The following MKRN2 variants were observed in gnomAD, a reference collection of about 807,000 sequenced individuals.
MKRN2 encodes the protein makorin ring finger protein 2.
MKRN2 carries 32 observed loss-of-function variants against 45.4 expected under a neutral mutation model. That is an observed-to-expected ratio of 0.70 (90% CI 0.53 to 0.95). The LOEUF is 0.95. Among genes scored for constraint, MKRN2 ranks in the 40% least tolerant of loss-of-function variants. The probability of loss-of-function intolerance (pLI) is 0.00; values close to 1 mark genes in which losing one functional copy is unlikely to be tolerated. For missense variants in MKRN2, 526 were observed against 536.7 expected, an observed-to-expected ratio of 0.98 and a Z score of 0.20; for synonymous variants, 206 against 192.4, an observed-to-expected ratio of 1.07 and a Z score of -0.59.
intron 6 of MKRN2, among the ~76,000 whole-genome samples, chr3:12,578,921 A>C (rs2058160758): frequency 6.9e-6 from 1 of 144,726 alleles, no homozygotes; most frequent in South Asian, 2.2e-4. Flanking sequence ...TGTCCACAAG[A>C]GGGCAAGGCG....
At chr3:12,576,563 G>A in intron 5 of MKRN2, 68 bp from the exon 6 acceptor site, 1 of 1,147,964 alleles carries the variant, frequency 8.7e-7, no homozygotes, top group Non-Finnish European at 1.3e-6. Flanking sequence ...TGAGCAAGAG[G>A]TTTAGCAGAG....
chr3:12,582,197 A>G lies in MKRN2; in HGVS notation c.1195A>G (p.Thr399Ala). 1 of 1,614,142 alleles carries G rather than the reference A, an allele frequency of 6.2e-7. No homozygotes were observed. Among genetic ancestry groups the G allele is most frequent in the Non-Finnish European group, 8.5e-7 (1 of 1,180,028 alleles). Reference protein sequence around the residue: ...HVPNNEDVDMTELGDLFMHLS... With the variant: ...HVPNNEDVDMAELGDLFMHLS... Reference sequence around the variant, plus strand: ...CCCCAACAATGAAGATGTCGACATGACAGAGCTCGGGGACCTCTTCATGCA... The same window carrying G: ...CCCCAACAATGAAGATGTCGACATGGCAGAGCTCGGGGACCTCTTCATGCA... Residue 399 changes from threonine to alanine, a missense_variant, in exon 8 of 8, where the codon ACA becomes GCA. Thr to Ala is a moderately conservative substitution (Grantham distance 58). Transcript: ENST00000170447.
chr3:12,578,312 C>CTTTTTT (rs71063833), intron 6 of MKRN2, among the ~76,000 whole-genome samples: 19 of 71,738 alleles, frequency 2.6e-4, no homozygotes, highest in South Asian at 5.6e-4. Context: ...AGAGCTACTT[C>CTTTTTT]TTTTTTTTTT....
chr3:12,573,893 A>C (rs1264503116), intron 4 of MKRN2, among the ~76,000 whole-genome samples: 1 of 144,670 alleles, frequency 6.9e-6, no homozygotes, highest in Non-Finnish European at 1.5e-5. Context: ...ACTCTGTCTC[A>C]AAAAAAAAAA....
At chr3:12,576,098 G>T (rs2058134097) in intron 5 of MKRN2, among the ~76,000 whole-genome samples, 1 of 152,084 alleles carries the variant, frequency 6.6e-6, no homozygotes, top group Admixed American at 6.5e-5. Context: ...GAATCTGCCA[G>T]ACTCTGTTCA....
At chr3:12,569,109 A>G in intron 2 of MKRN2, 106 bp downstream of exon 2, 2 of 1,336,218 alleles carry the variant, frequency 1.5e-6, no homozygotes, top group Non-Finnish European at 2.0e-6. Context: ...AACATCACAA[A>G]AAGTATGGCA....
chr3:12,572,231 A>G lies in MKRN2; in HGVS notation c.500A>G (p.Glu167Gly). 6.2e-7 allele frequency: 1 copy of G among 1,614,054 alleles called. No homozygotes were observed. Among genetic ancestry groups the G allele is most frequent in the South Asian group, 1.1e-5 (1 of 91,062 alleles). The change falls in exon 4 of 8, where the codon GAG becomes GGG. Residue 167 changes from glutamate to glycine, a missense_variant. Transcript: ENST00000170447. ...DVEASSSYSN[E>G]QQLCPYAAAG... ...GAGGCCAGCAGCTCCTACAGCAACG[A>G]GCAGCAGCTGTGCCCCTACGCAGCT... is the stretch of plus-strand genomic sequence containing the variant.
intron 6 of MKRN2, among the ~76,000 whole-genome samples, chr3:12,577,656 T>C (rs2058150044): frequency 6.8e-6 from 1 of 147,084 alleles, no homozygotes; most frequent in Admixed American, 7.1e-5. Context: ...AGGATTCTGT[T>C]ATGGTTTATC....
At chr3:12,570,680 C>G (rs1478419029) in intron 3 of MKRN2, among the ~76,000 whole-genome samples, 2 of 151,762 alleles carry the variant, frequency 1.3e-5, no homozygotes. Context: ...AGTTCGAGAC[C>G]AGCCTGGCCA....
chr3:12,579,073 A>C (rs750679825), intron 6 of MKRN2, among the ~76,000 whole-genome samples: 9 of 152,000 alleles, frequency 5.9e-5, no homozygotes, highest in Admixed American at 2.6e-4. Flanking sequence ...GCTTTCCTTT[A>C]ATGACTGTGT....
At chr3:12,558,932 A>T (rs1346060113) in intron 1 of MKRN2, among the ~76,000 whole-genome samples, 2 of 152,256 alleles carry the variant, frequency 1.3e-5, no homozygotes, top group African/African-American at 4.8e-5. Context: ...GAGCCTCAGC[A>T]TTGAAGCGAC....
chr3:12,566,845 C>CG (rs201652606), intron 1 of MKRN2, among the ~76,000 whole-genome samples: 2,723 of 152,302 alleles, frequency 0.018, 37 homozygotes, highest in Non-Finnish European at 0.028. Context: ...TCTGGTCATC[C>CG]ACCCACCTCA....
chr3:12,573,375 A>G lies in MKRN2; in HGVS notation c.642+1002A>G, dbSNP rs987968537. Among the ~76,000 whole-genome samples the G allele has an allele frequency of 7.3e-5, 11 of 151,672 alleles. No individual in the cohort carries two copies. The East Asian group carries it at 7.7e-4, about 11-fold the overall frequency. On this transcript the variant is annotated intron_variant, in intron 4 of 7. Transcript: ENST00000170447. Reference sequence around the variant, plus strand: ...TCCCCGTCTCTACAAAAAAAAAAAAATACAAACATTAGCCAGGTGTGGTGG... The same window carrying G: ...TCCCCGTCTCTACAAAAAAAAAAAAGTACAAACATTAGCCAGGTGTGGTGG...
intron 1 of MKRN2, among the ~76,000 whole-genome samples, chr3:12,560,208 A>C (rs1313372342): frequency 1.3e-5 from 2 of 152,234 alleles, no homozygotes; most frequent in Non-Finnish European, 2.9e-5. Context: ...ATAGCAGTCT[A>C]TGAAGTAAGT....
At position 12,570,120 on chromosome 3, in the gene MKRN2, A is replaced by G. The variant is rs777990573; in HGVS notation, c.205A>G (p.Met69Val). 11 of 1,613,876 alleles carry G rather than the reference A, an allele frequency of 6.8e-6. No individual in the cohort carries two copies. Among genetic ancestry groups the G allele is most frequent in the African/African-American group, 2.7e-5 (2 of 74,904 alleles). The part of the protein sequence containing the change: ...SAAAGGAVGT[M>V]AHSVPSPAFH... ...TGCAGCTGGAGGTGCTGTGGGCACC[A>G]TGGCCCACAGTGTGCCCTCCCCAGC... Residue 69 changes from methionine (M) to valine (V), a missense_variant, in exon 3 of 8, where the codon ATG becomes GTG. Met to Val is a conservative substitution (Grantham distance 21, BLOSUM62 1). Coordinates refer to ENST00000170447, the MANE Select transcript of MKRN2 (RefSeq NM_014160.5).
Position 12,583,632 on chromosome 3 carries a change from T to C in MKRN2, c.*1379T>C. On this transcript the variant is annotated 3_prime_UTR_variant, in exon 8 of 8. Coordinates refer to ENST00000170447, the MANE Select transcript of MKRN2 (RefSeq NM_014160.5). The stretch of plus-strand genomic sequence containing the variant: ...CTAAATTTAATTTATTTTATTAAAA[T>C]AACATAATTGAGGGACCATCAGATA... The C allele has an allele frequency of 4.3e-6, 1 of 232,646 alleles. No individual in the cohort carries two copies. The highest frequency in any genetic ancestry group is 8.5e-6 in the Non-Finnish European group (1 of 117,666). 14.4% of individuals were successfully genotyped at this position (232,646 alleles called of 1,614,324 possible).
rs1253263681 is a variant in MKRN2 at position 12,557,106 on chromosome 3, C to G, written c.-45C>G. On this transcript the variant is annotated 5_prime_UTR_variant, in exon 1 of 8. Transcript: ENST00000170447. ...AGGGCCAAGGCCGAGGCGGCAGCGG[C>G]TGCGAGAGGCGGCGGCACGACGACG... 1.3e-6 allele frequency: 2 copies of G among 1,487,810 alleles called. 1 individual carries two copies. Among genetic ancestry groups the G allele is most frequent in the South Asian group, 2.5e-5 (2 of 79,098 alleles). 92.2% of individuals were successfully genotyped at this position (1,487,810 alleles called of 1,614,324 possible).
At chr3:12,566,006 A>G (rs2058067462) in intron 1 of MKRN2, among the ~76,000 whole-genome samples, 1 of 151,770 alleles carries the variant, frequency 6.6e-6, no homozygotes. Flanking sequence ...CCAAGTAGCC[A>G]TCATGCACGG....
intron 1 of MKRN2, among the ~76,000 whole-genome samples, chr3:12,559,071 A>G (rs1246782208): frequency 2.0e-5 from 3 of 152,234 alleles, no homozygotes; most frequent in African/African-American, 4.8e-5. Flanking sequence ...GGACTTATCA[A>G]AGCTTTTAAT....
Sources: allele counts gnomAD v4.1 joint callset (sites outside exome capture counted in the v4.1 genomes callset), GRCh38; gene constraint gnomAD v4.1.1; transcripts MANE v1.5; gene names NCBI Gene and HGNC (gene_info 2026-07-23, HGNC 2026-07-21).